DPP10: variants seen among roughly 807,000 people sequenced by gnomAD.
DPP10 encodes the protein dipeptidyl peptidase like 10.
In DPP10, 33 loss-of-function variants were observed where a neutral mutation model predicts 120.9. That is an observed-to-expected ratio of 0.27 (90% CI 0.21 to 0.37). The LOEUF is 0.37. Ranked by LOEUF, DPP10 falls within the 10% of genes least tolerant of loss-of-function variation. The pLI is 1.00. For synonymous variants in DPP10, 337 were observed against 326.1 expected (o/e 1.03, Z -0.36); for missense variants, 816 against 942.8 (o/e 0.87, Z 1.76).
chr2:114,568,610 T>C (rs1208555870), intron 1 of DPP10, among the ~76,000 whole-genome samples: 1 of 152,228 alleles, frequency 6.6e-6, no homozygotes, highest in Non-Finnish European at 1.5e-5. Context: ...TGTTTGACTT[T>C]TGTAAGACGA....
chr2:115,057,499 T>C (rs1706020398), intron 1 of DPP10, among the ~76,000 whole-genome samples: 1 of 152,206 alleles, frequency 6.6e-6, no homozygotes, highest in South Asian at 2.1e-4. Flanking sequence ...CCCATTAACA[T>C]GATAAGGCAA....
intron 1 of DPP10, among the ~76,000 whole-genome samples, chr2:114,862,173 G>A (rs1448138594): frequency 6.6e-6 from 1 of 151,926 alleles, no homozygotes; most frequent in Non-Finnish European, 1.5e-5. Context: ...GACAGAGATT[G>A]CAAAGTCAGT....
intron 1 of DPP10, among the ~76,000 whole-genome samples, chr2:115,125,402 T>C (rs990781192): frequency 6.6e-6 from 1 of 152,150 alleles, no homozygotes; most frequent in African/African-American, 2.4e-5. Context: ...AAGTTATTTA[T>C]TTTTGTTCTT....
rs533809099 is a variant in DPP10, at chr2:114,796,546, T to C, written c.60+353708T>C. On this transcript the variant is annotated intron_variant, in intron 1 of 25. Transcript: ENST00000410059. ...CTGGTAAGGCTTTTGGTCAACAGTA[T>C]GCTATTAATATTTAAGTTTTTAGGA... Among the ~76,000 whole-genome samples, 105 of 152,256 alleles carry C rather than the reference T, an allele frequency of 6.9e-4. 1 individual carries two copies. The highest frequency in any genetic ancestry group is 1.2e-3 in the Non-Finnish European group (85 of 68,018).
intron 7 of DPP10, 145 bp from the exon 8 acceptor site, chr2:115,727,671 A>G (rs975991227): frequency 5.9e-6 from 5 of 843,540 alleles, no homozygotes; most frequent in Non-Finnish European, 4.9e-6. Context: ...ATTGAAAGCA[A>G]TAAAAACATA....
chr2:114,475,640 G>C (rs1680310506), intron 1 of DPP10, among the ~76,000 whole-genome samples: 3 of 152,114 alleles, frequency 2.0e-5, no homozygotes, highest in Admixed American at 2.0e-4. Flanking sequence ...AAAGACTGCA[G>C]CTCATTCTCA....
At chr2:115,194,382 G>A (rs188631675) in intron 1 of DPP10, among the ~76,000 whole-genome samples, 4 of 152,206 alleles carry the variant, frequency 2.6e-5, no homozygotes, top group East Asian at 1.9e-4. Flanking sequence ...GCGCCACCAC[G>A]CCTGGCTAAT....
chr2:115,019,233 C>CTGT (rs1428798291), intron 1 of DPP10, among the ~76,000 whole-genome samples: 1 of 151,898 alleles, frequency 6.6e-6, no homozygotes, highest in Non-Finnish European at 1.5e-5. Context: ...CTGCAAGCAC[C>CTGT]TGTTAATAAA....
At chr2:115,456,907 A>G (rs923801168) in intron 3 of DPP10, among the ~76,000 whole-genome samples, 14 of 152,110 alleles carry the variant, frequency 9.2e-5, no homozygotes, top group African/African-American at 1.4e-4. Flanking sequence ...ACCATGGCAC[A>G]TCTATACCTG....
rs181421180 is a variant in DPP10, at chr2:115,406,901, C to A, written c.271+62989C>A. Among the ~76,000 whole-genome samples, 1,202 of 152,136 alleles carry A rather than the reference C, an allele frequency of 7.9e-3. 8 individuals are homozygous for A. The highest frequency in any genetic ancestry group is 0.027 in the African/African-American group (1,103 of 41,516). ...AGAACAGACTAAATAAGTAAAGATA[C>A]AACAAACATGAAAAATACTATTGTT... On this transcript the variant is annotated intron_variant, in intron 3 of 25. Coordinates refer to ENST00000410059, the MANE Select transcript of DPP10 (RefSeq NM_020868.6).
intron 1 of DPP10, among the ~76,000 whole-genome samples, chr2:114,811,212 G>C (rs1254000212): frequency 1.3e-5 from 2 of 152,178 alleles, no homozygotes; most frequent in African/African-American, 4.8e-5. Context: ...CAACAGACTG[G>C]AGTAGGGACA....
intron 3 of DPP10, among the ~76,000 whole-genome samples, chr2:115,410,158 C>G (rs2068832456): frequency 6.6e-6 from 1 of 152,162 alleles, no homozygotes; most frequent in East Asian, 1.9e-4. Context: ...ATAAATTATT[C>G]TGTTATAAAG....
At chr2:115,564,898 G>A (rs2080903639) in intron 5 of DPP10, among the ~76,000 whole-genome samples, 1 of 152,182 alleles carries the variant, frequency 6.6e-6, no homozygotes, top group Non-Finnish European at 1.5e-5. Context: ...GAGGTCTGGA[G>A]GCAGGTCCTG....
At chr2:115,016,154 A>T (rs890680509) in intron 1 of DPP10, among the ~76,000 whole-genome samples, 1 of 152,208 alleles carries the variant, frequency 6.6e-6, no homozygotes, top group African/African-American at 2.4e-5. Context: ...AAACAGATAT[A>T]TAGACCAATG....
chr2:115,336,589 C>G (rs991382284), intron 2 of DPP10, among the ~76,000 whole-genome samples: 2 of 150,624 alleles, frequency 1.3e-5, no homozygotes, highest in African/African-American at 4.9e-5. Context: ...CTCTGTCTCT[C>G]TCTCTCTCTC....
chr2:114,592,577 G>A (rs1358344682), intron 1 of DPP10, among the ~76,000 whole-genome samples: 1 of 151,814 alleles, frequency 6.6e-6, no homozygotes, highest in Admixed American at 6.6e-5. Context: ...CAGGCATTAT[G>A]AACAGAATTG....
At chr2:115,647,797 C>T (rs1264671035) in intron 5 of DPP10, among the ~76,000 whole-genome samples, 1 of 152,082 alleles carries the variant, frequency 6.6e-6, no homozygotes, top group Non-Finnish European at 1.5e-5. Flanking sequence ...AGTGAAGCCC[C>T]TTTTAAAAGG....
rs17043672 is a variant in DPP10, at chr2:114,843,384, C to T, written c.60+400546C>T. 5.6e-3 allele frequency among the ~76,000 whole-genome samples: 846 copies of T among 152,222 alleles called. 10 individuals are homozygous for T. Among genetic ancestry groups the T allele is most frequent in the Middle Eastern group, 0.027 (8 of 294 alleles). On this transcript the variant is annotated intron_variant, in intron 1 of 25. Coordinates refer to ENST00000410059, the MANE Select transcript of DPP10 (RefSeq NM_020868.6). ...TTGCAATTTTAATTCTGGTTTGAGT[C>T]CCTATCTTCTTTGCATAATATCTTT...
At chr2:114,569,184 C>G (rs1188268818) in intron 1 of DPP10, among the ~76,000 whole-genome samples, 2 of 152,174 alleles carry the variant, frequency 1.3e-5, no homozygotes, top group African/African-American at 4.8e-5. Context: ...CTTAGAGTCC[C>G]TGAAGATGAA....
Sources: allele counts gnomAD v4.1 joint callset (sites outside exome capture counted in the v4.1 genomes callset), GRCh38; gene constraint gnomAD v4.1.1; transcripts MANE v1.5; gene names NCBI Gene and HGNC (gene_info 2026-07-23, HGNC 2026-07-21).